Variants in MED13L observed in about 807,000 individuals in gnomAD.
The protein encoded by MED13L is mediator of RNA polymerase II transcription subunit 13-like.
In MED13L, 7 loss-of-function variants were observed where a neutral mutation model predicts 220.9. That is an observed-to-expected ratio of 0.03 (90% CI 0.02 to 0.06). The LOEUF (loss-of-function observed/expected upper bound fraction) is 0.06. MED13L is among the 10% of genes least tolerant of loss of function. The pLI is 1.00. For missense variants in MED13L, 1,965 were observed against 2,760.5 expected (o/e 0.71, Z 6.46); for synonymous variants, 1,011 against 1,015.2 (o/e 1.00, Z 0.08).
chr12:116,062,124 T>C (rs1869547377), intron 4 of MED13L, among the ~76,000 whole-genome samples: 1 of 152,130 alleles, frequency 6.6e-6, no homozygotes, highest in Non-Finnish European at 1.5e-5. Context: ...ATTTTCTTTT[T>C]TCTGGGTATG....
chr12:116,196,414 G>T (rs540398853), intron 2 of MED13L, among the ~76,000 whole-genome samples: 1 of 151,536 alleles, frequency 6.6e-6, no homozygotes, highest in African/African-American at 2.4e-5. Context: ...CCCAGTCTTC[G>T]GCTTCGGCTG....
chr12:116,072,983 T>C (rs1281439242), intron 4 of MED13L, among the ~76,000 whole-genome samples: 2 of 152,222 alleles, frequency 1.3e-5, no homozygotes, highest in African/African-American at 4.8e-5. Flanking sequence ...ACTTTAAGTA[T>C]TTAATTCTGC....
intron 22 of MED13L, 48 bp from the exon 23 acceptor site, chr12:115,980,986 CTG>C (rs761045465): frequency 2.3e-5 from 35 of 1,529,328 alleles, no homozygotes; most frequent in Middle Eastern, 2.2e-4. Flanking sequence ...AACCTAGAAA[CTG>C]AGATCTAACA....
intron 2 of MED13L, among the ~76,000 whole-genome samples, chr12:116,118,331 AT>A (rs1420327886): frequency 6.6e-6 from 1 of 152,148 alleles, no homozygotes; most frequent in Non-Finnish European, 1.5e-5. Context: ...ACAATAGAAA[AT>A]TATAAATTAT....
chr12:116,148,162 T>C (rs1230121181), intron 2 of MED13L, among the ~76,000 whole-genome samples: 2 of 151,552 alleles, frequency 1.3e-5, no homozygotes, highest in Non-Finnish European at 1.5e-5. Context: ...CATTCATGTA[T>C]ATAAACATAC....
intron 1 of MED13L, chr12:116,276,324 G>A: frequency 2.1e-6 from 1 of 470,984 alleles, no homozygotes; most frequent in South Asian, 1.8e-5. Context: ...GTGTGTGTGT[G>A]TGTGTGTGTG....
At chr12:116,197,836 A>C (rs1462901471) in intron 2 of MED13L, among the ~76,000 whole-genome samples, 1 of 152,148 alleles carries the variant, frequency 6.6e-6, no homozygotes, top group Non-Finnish European at 1.5e-5. Context: ...TGAAAATTAG[A>C]AAGCAACTCT....
chr12:116,002,219 A>C (rs1177004947), intron 14 of MED13L, among the ~76,000 whole-genome samples: 1 of 152,200 alleles, frequency 6.6e-6, no homozygotes, highest in Non-Finnish European at 1.5e-5. Flanking sequence ...GGATCCACTA[A>C]AGCTGTCAAA....
chr12:116,093,439 A>G (rs1872403913), intron 4 of MED13L, among the ~76,000 whole-genome samples: 2 of 152,078 alleles, frequency 1.3e-5, no homozygotes, highest in African/African-American at 4.8e-5. Flanking sequence ...TCTCCTGAAC[A>G]TCAACTCATA....
chr12:115,998,061 T>C (rs1458914879), intron 14 of MED13L, among the ~76,000 whole-genome samples: 1 of 152,202 alleles, frequency 6.6e-6, no homozygotes, highest in Admixed American at 6.5e-5. Flanking sequence ...TCCAGACAGA[T>C]ATTAAAATGA....
intron 4 of MED13L, among the ~76,000 whole-genome samples, chr12:116,084,269 A>G (rs1871451707): frequency 6.6e-6 from 1 of 152,172 alleles, no homozygotes; most frequent in Non-Finnish European, 1.5e-5. Flanking sequence ...TGAACCTACA[A>G]AACATGCTTG....
At chr12:116,123,486 A>G (rs1383259892) in intron 2 of MED13L, among the ~76,000 whole-genome samples, 2 of 152,216 alleles carry the variant, frequency 1.3e-5, no homozygotes, top group African/African-American at 4.8e-5. Flanking sequence ...ACTGATTTCA[A>G]CATTAGCACA....
At position 116,253,107 on chromosome 12, in the gene MED13L, C is replaced by T. The variant is rs577907128; in HGVS notation, c.73-15402G>A. 2.6e-4 allele frequency among the ~76,000 whole-genome samples: 38 copies of T among 146,618 alleles called. 1 individual carries two copies. Among genetic ancestry groups the T allele is most frequent in the African/African-American group, 9.6e-4 (38 of 39,570 alleles). ...TGAAACCCCGTCTGTACTAAAAATA[C>T]AAAAACTAGCCAGATGTGTTGGTGC... On this transcript the variant is annotated intron_variant, in intron 1 of 30. Transcript: ENST00000281928.
chr12:116,077,015 T>C (rs1183239936), intron 4 of MED13L, among the ~76,000 whole-genome samples: 2 of 151,644 alleles, frequency 1.3e-5, no homozygotes, highest in African/African-American at 2.4e-5. Flanking sequence ...AGTCTTTCCT[T>C]GAGACACCAC....
At chr12:116,244,568 C>T (rs1183323975) in intron 1 of MED13L, among the ~76,000 whole-genome samples, 1 of 152,174 alleles carries the variant, frequency 6.6e-6, no homozygotes, top group Non-Finnish European at 1.5e-5. Flanking sequence ...AGAATCCCCT[C>T]AGCCTCAGGA....
intron 2 of MED13L, among the ~76,000 whole-genome samples, chr12:116,222,359 G>C (rs1388569020): frequency 6.6e-6 from 1 of 152,120 alleles, no homozygotes; most frequent in African/African-American, 2.4e-5. Context: ...TTAATCTTAT[G>C]ACCTCTACCT....
intron 4 of MED13L, among the ~76,000 whole-genome samples, chr12:116,031,362 G>A (rs981858145): frequency 2.6e-5 from 4 of 151,908 alleles, no homozygotes; most frequent in South Asian, 4.2e-4. Context: ...GGCGGATCAC[G>A]AGGTCAGGAG....
intron 4 of MED13L, among the ~76,000 whole-genome samples, chr12:116,052,268 G>T (rs2137590540): frequency 6.6e-6 from 1 of 152,258 alleles, no homozygotes; most frequent in East Asian, 1.9e-4. Context: ...TTACACACAG[G>T]ATAGAGAAAC....
At position 115,996,823 on chromosome 12, in the gene MED13L, G is replaced by A. The variant is rs985883605; in HGVS notation, c.2791-142C>T. 38 of 1,039,622 alleles carry A rather than the reference G, an allele frequency of 3.7e-5. No individual in the cohort carries two copies. In the African/African-American group the frequency reaches 4.0e-4, roughly 11 times the overall value. The allele number at this position is 1,039,622 out of a possible 1,614,324, so 64.4% of individuals were successfully genotyped here. A position where few individuals can be genotyped will look rare whatever the true frequency, so the allele number is the denominator to read the frequency against. The stretch of plus-strand genomic sequence containing the variant: ...CCTATGATCATTAGAAAATGCTAAT[G>A]CAGAAATGTTAAATCAATCAAAAGA... On this transcript the variant is annotated intron_variant, in intron 15 of 30. Coordinates refer to ENST00000281928, the MANE Select transcript of MED13L (RefSeq NM_015335.5).
Sources: allele counts gnomAD v4.1 joint callset (sites outside exome capture counted in the v4.1 genomes callset), GRCh38; gene constraint gnomAD v4.1.1; transcripts MANE v1.5; gene names NCBI Gene and HGNC (gene_info 2026-07-23, HGNC 2026-07-21).